The following ATP6V0A1 variants were observed in gnomAD, a reference collection of about 807,000 sequenced individuals.
ATP6V0A1 encodes ATPase H+ transporting V0 subunit a1.
A neutral mutation model predicts 105.4 loss-of-function variants in ATP6V0A1; 43 were observed. That is an observed-to-expected ratio of 0.41 (90% CI 0.32 to 0.53). The LOEUF is 0.53. ATP6V0A1 is among the 20% of genes least tolerant of loss of function. ATP6V0A1 has a pLI of 0.30. For synonymous variants in ATP6V0A1, 362 were observed against 372.8 expected (o/e 0.97, Z 0.33); for missense variants, 676 against 1,051.1 (o/e 0.64, Z 4.93).
chr17:42,461,926 G>A (rs2086454307), intron 2 of ATP6V0A1, among the ~76,000 whole-genome samples: 1 of 151,716 alleles, frequency 6.6e-6, no homozygotes, highest in Non-Finnish European at 1.5e-5. Flanking sequence ...AGAGATAGGG[G>A]CCAGGTGCAA....
At chr17:42,464,556 C>G (rs951455755) in intron 2 of ATP6V0A1, among the ~76,000 whole-genome samples, 2 of 151,966 alleles carry the variant, frequency 1.3e-5, no homozygotes, top group African/African-American at 2.4e-5. Context: ...GTGCCCGCTG[C>G]CACTCCCGGC....
intron 2 of ATP6V0A1, among the ~76,000 whole-genome samples, chr17:42,462,962 C>T (rs1048260502): frequency 6.7e-6 from 1 of 149,156 alleles, no homozygotes; most frequent in African/African-American, 2.5e-5. Flanking sequence ...TAACTTTATA[C>T]ACCTCTGTAA....
intron 11 of ATP6V0A1, among the ~76,000 whole-genome samples, chr17:42,491,421 C>T (rs527402860): frequency 6.6e-6 from 1 of 152,296 alleles, no homozygotes; most frequent in African/African-American, 2.4e-5. Context: ...CGCCATTCTT[C>T]TGCCTCAGCC....
intron 5 of ATP6V0A1, among the ~76,000 whole-genome samples, chr17:42,474,076 C>T (rs2088374901): frequency 6.6e-6 from 1 of 151,380 alleles, no homozygotes; most frequent in Non-Finnish European, 1.5e-5. Flanking sequence ...GATCTTGGCT[C>T]ACTGCAACTG....
chr17:42,508,914 G>A (rs1212927625), intron 19 of ATP6V0A1, among the ~76,000 whole-genome samples: 2 of 152,116 alleles, frequency 1.3e-5, no homozygotes, highest in Admixed American at 1.3e-4. Context: ...AGTCCCATTG[G>A]CCTCTGCCTT....
At chr17:42,461,362 TA>T (rs946548559) in intron 2 of ATP6V0A1, among the ~76,000 whole-genome samples, 5 of 151,998 alleles carry the variant, frequency 3.3e-5, no homozygotes, top group African/African-American at 9.7e-5. Context: ...TAGGACATTT[TA>T]AAAAAAATAA....
At chr17:42,459,866 G>T (rs1026903026) in intron 1 of ATP6V0A1, among the ~76,000 whole-genome samples, 1 of 152,146 alleles carries the variant, frequency 6.6e-6, no homozygotes, top group African/African-American at 2.4e-5. Flanking sequence ...ATCTTCCTTT[G>T]ATGTCAGACT....
intron 14 of ATP6V0A1, among the ~76,000 whole-genome samples, chr17:42,498,380 T>A: frequency 6.6e-6 from 1 of 151,908 alleles, no homozygotes; most frequent in East Asian, 1.9e-4. Context: ...GACTATAAGG[T>A]GATGTTAATT....
chr17:42,519,047 T>A (rs759130800), intron 21 of ATP6V0A1: 6 of 152,350 alleles, frequency 3.9e-5, no homozygotes, highest in Non-Finnish European at 4.4e-5. Flanking sequence ...AGACCCAAGA[T>A]GTCCCAGTTC....
intron 21 of ATP6V0A1, chr17:42,520,694 G>A (rs950539197): frequency 4.7e-6 from 2 of 424,052 alleles, no homozygotes; most frequent in Non-Finnish European, 9.3e-6. Flanking sequence ...AGGAGGGGGC[G>A]ATGGGGGCCA....
At chr17:42,470,378 T>C (rs978893903) in intron 5 of ATP6V0A1, 160 bp downstream of exon 5, 1 of 857,612 alleles carries the variant, frequency 1.2e-6, no homozygotes, top group Non-Finnish European at 1.8e-6. Flanking sequence ...TGTTCCATTT[T>C]TCATGCAGTA....
At chr17:42,474,062 G>A (rs2088372955) in intron 5 of ATP6V0A1, among the ~76,000 whole-genome samples, 1 of 151,412 alleles carries the variant, frequency 6.6e-6, no homozygotes, top group African/African-American at 2.4e-5. Flanking sequence ...GAGTGCAGTG[G>A]TGCGATCTTG....
At chr17:42,459,862 C>G (rs1337247446) in intron 1 of ATP6V0A1, among the ~76,000 whole-genome samples, 3 of 152,156 alleles carry the variant, frequency 2.0e-5, no homozygotes, top group South Asian at 2.1e-4. Flanking sequence ...GTAAATCTTC[C>G]TTTGATGTCA....
rs140036720 is a variant in ATP6V0A1 at position 42,521,042 on chromosome 17, T to C, written c.2436T>C (p.Asn812=). The change falls in exon 22 of 22, where the codon AAT becomes AAC. Residue 812 remains asparagine, a synonymous_variant. Coordinates refer to ENST00000343619, the MANE Select transcript of ATP6V0A1 (RefSeq NM_001130021.3). The surrounding 1 kb of genome is among the most constrained non-coding windows in gnomAD (Gnocchi z 4.8). ...ALRLHWVEFQ[N]KFYSGTGFKF... ...CTTTCTCCAGGGTTGAGTTCCAGAA[T>C]AAATTCTACAGCGGGACCGGTTTCA... 304 of 1,603,420 alleles carry C rather than the reference T, an allele frequency of 1.9e-4. No individual in the cohort carries two copies. The highest frequency in any genetic ancestry group is 2.5e-4 in the Non-Finnish European group (289 of 1,175,826).
chr17:42,472,463 G>A (rs1007333203), intron 5 of ATP6V0A1, among the ~76,000 whole-genome samples: 2 of 151,704 alleles, frequency 1.3e-5, no homozygotes, highest in East Asian at 1.9e-4. Context: ...GGTGGCTAAC[G>A]CCTATAATCC....
In ATP6V0A1 at chr17:42,466,409, A is replaced by G. The variant is rs570998180; in HGVS notation, c.118-20A>G. The stretch of plus-strand genomic sequence containing the variant: ...TAGATACAATATTTCAATGTTTGGT[A>G]TTGTGTTTTTATTTTTCAGTTAAAT... On this transcript the variant is annotated intron_variant, in intron 2 of 21. Coordinates refer to ENST00000343619, the MANE Select transcript of ATP6V0A1 (RefSeq NM_001130021.3). 8.3e-6 allele frequency: 13 copies of G among 1,571,590 alleles called. No individual in the cohort carries two copies. Among genetic ancestry groups the G allele is most frequent in the Middle Eastern group, 1.7e-4 (1 of 5,966 alleles).
At chr17:42,492,291 C>T (rs1280710591) in intron 11 of ATP6V0A1, among the ~76,000 whole-genome samples, 1 of 152,046 alleles carries the variant, frequency 6.6e-6, no homozygotes, top group East Asian at 1.9e-4. Flanking sequence ...ATCACTTGAA[C>T]CCAGGAGGCA....
At chr17:42,497,805 A>G (rs1009905016) in intron 14 of ATP6V0A1, among the ~76,000 whole-genome samples, 4 of 151,966 alleles carry the variant, frequency 2.6e-5, no homozygotes, top group Non-Finnish European at 4.4e-5. Flanking sequence ...TGGGAGGCCA[A>G]GGCGGGCGGA....
chr17:42,520,178 G>A (rs1315255455), intron 21 of ATP6V0A1: 4 of 336,538 alleles, frequency 1.2e-5, no homozygotes, highest in Admixed American at 7.9e-5. Flanking sequence ...AGCACCATGT[G>A]GAAACTATTC....
Sources: allele counts gnomAD v4.1 joint callset (sites outside exome capture counted in the v4.1 genomes callset), GRCh38; gene constraint gnomAD v4.1.1; non-coding constraint Gnocchi (gnomAD v3.1); transcripts MANE v1.5; gene names NCBI Gene and HGNC (gene_info 2026-07-23, HGNC 2026-07-21).